Variants in PTPN23 observed in about 807,000 individuals in gnomAD.
The protein encoded by PTPN23 is tyrosine-protein phosphatase non-receptor type 23.
Under a neutral mutation model 156.3 loss-of-function variants are expected in PTPN23, and 72 were observed. The ratio of observed to expected loss-of-function variants is 0.46; its 90% CI spans 0.38 to 0.56. The LOEUF is 0.56. PTPN23 is among the 20% of genes least tolerant of loss of function. PTPN23 has a pLI of 0.00. For synonymous variants in PTPN23, 957 were observed against 899.6 expected, an observed-to-expected ratio of 1.06 and a Z score of -1.14; for missense variants, 1,974 against 2,171.5, an observed-to-expected ratio of 0.91 and a Z score of 1.81.
intron 1 of PTPN23, among the ~76,000 whole-genome samples, chr3:47,385,664 G>A (rs1704638331): frequency 6.6e-6 from 1 of 152,088 alleles, no homozygotes; most frequent in Non-Finnish European, 1.5e-5. Context: ...GCGACAGAGT[G>A]AGACCCTGTC....
In PTPN23 at chr3:47,407,982, C is replaced by T. The variant is rs778825922; in HGVS notation, c.1184+27C>T. 31 of 1,609,174 alleles carry T rather than the reference C, an allele frequency of 1.9e-5. No homozygotes were observed. The highest frequency in any genetic ancestry group is 2.4e-5 in the Non-Finnish European group (28 of 1,177,910). ...TGAGTGTGGGACTTGGGCAGGGAGG[C>T]GGAGGCAGGCAGCACTTCCCGGGCC... On this transcript the variant is annotated intron_variant, in intron 14 of 24. Transcript: ENST00000265562. This position sits in a 1 kb window ranked among gnomAD's most constrained non-coding sequence, Gnocchi z 4.0.
rs755051878 is a variant in PTPN23, at chr3:47,406,069, G to C, written c.546+23G>C. 2 of 1,608,550 alleles carry C rather than the reference G, an allele frequency of 1.2e-6. No individual in the cohort carries two copies. On this transcript the variant is annotated intron_variant, in intron 6 of 24. Coordinates refer to ENST00000265562, the MANE Select transcript of PTPN23 (RefSeq NM_015466.4). This position sits in a 1 kb window ranked among gnomAD's most constrained non-coding sequence, Gnocchi z 5.8. The stretch of plus-strand genomic sequence containing the variant: ...CTGGTGAGGAGGCGCCCTGGTTGGA[G>C]TGGAGTTGAATCCAGGGAAGGGGAT...
Position 47,413,182 on chromosome 3 carries a change from C to G in PTPN23, c.4908C>G (p.Thr1636=). ...ATCCACTCTGGACACTCAACAAGAC[C>G]TGAACAGGTTTTGCCTACCTGGTCC... ...LLDPLWTLNK[T] The change falls in exon 25 of 25, where the codon ACC becomes ACG. Residue 1636 remains threonine, a synonymous_variant. Coordinates refer to ENST00000265562, the MANE Select transcript of PTPN23 (RefSeq NM_015466.4). The G allele has an allele frequency of 6.2e-7, 1 of 1,608,340 alleles. No individual in the cohort carries two copies. Among genetic ancestry groups the G allele is most frequent in the Non-Finnish European group, 8.5e-7 (1 of 1,177,194 alleles).
rs1233090981 is a variant in PTPN23 at position 47,410,505 on chromosome 3, C to G, written c.2707C>G (p.Pro903Ala). 2 of 1,607,304 alleles carry G rather than the reference C, an allele frequency of 1.2e-6. No homozygotes were observed. The highest frequency in any genetic ancestry group is 2.2e-5 in the East Asian group (1 of 44,626). Residue 903 changes from proline to alanine, a missense_variant, in exon 20 of 25, where the codon CCT becomes GCT. Pro to Ala is a conservative substitution (Grantham distance 27). Transcript: ENST00000265562. ...SHTAPRPNPT[P>A]APPPPCFPVP... ...CACAGCCCCACGGCCAAACCCCACC[C>G]CTGCTCCTCCCCCGCCCTGCTTCCC...
At chr3:47,382,668 T>C (rs1704568787) in intron 1 of PTPN23, among the ~76,000 whole-genome samples, 1 of 144,642 alleles carries the variant, frequency 6.9e-6, no homozygotes, top group East Asian at 2.1e-4. Context: ...ACTCCTGTTT[T>C]CTTTTTCTTT....
chr3:47,413,026 C>G lies in PTPN23; in HGVS notation c.4752C>G (p.Thr1584=). The change falls in exon 25 of 25, where the codon ACC becomes ACG. Residue 1584 remains threonine, a synonymous_variant. Coordinates refer to ENST00000265562, the MANE Select transcript of PTPN23 (RefSeq NM_015466.4). ...SSSLELLASL[T]PEAFSLDSSL... ...CCCTGGAATTGCTGGCCTCCTTGAC[C>G]CCAGAGGCCTTCTCCCTGGACAGCT... 1 of 1,612,942 alleles carries G rather than the reference C, an allele frequency of 6.2e-7. No individual in the cohort carries two copies. The highest frequency in any genetic ancestry group is 8.5e-7 in the Non-Finnish European group (1 of 1,179,966).
rs1259093455 is a variant in PTPN23 at position 47,409,666 on chromosome 3, C to T, written c.1961C>T (p.Thr654Met). The T allele has an allele frequency of 5.6e-6, 9 of 1,611,872 alleles. No homozygotes were observed. The highest frequency in any genetic ancestry group is 2.2e-5 in the East Asian group (1 of 44,874). ...LSDLDQKWNS[T>M]LQTLVASYEA... The stretch of plus-strand genomic sequence containing the variant: ...CTTCTGCCCACCAGGTGGAACTCCA[C>T]GCTGCAGACCCTGGTGGCCTCGTAT... The change falls in exon 19 of 25, where the codon ACG becomes ATG. Residue 654 changes from threonine (T) to methionine (M), a missense_variant. This residue lies in a region of PTPN23 where 726 missense variants were observed against 929.5 expected (regional missense o/e 0.78). Transcript: ENST00000265562.
At chr3:47,382,139 G>GT (rs1704556052) in intron 1 of PTPN23, among the ~76,000 whole-genome samples, 1 of 152,180 alleles carries the variant, frequency 6.6e-6, no homozygotes, top group Non-Finnish European at 1.5e-5. Context: ...TTTGGAAGTA[G>GT]TTTCCCAAGA....
At position 47,413,353 on chromosome 3, in the gene PTPN23, C is replaced by T. The variant is rs1705381525; in HGVS notation, c.*168C>T. 2.1e-6 allele frequency: 2 copies of T among 934,654 alleles called. No individual in the cohort carries two copies. Among genetic ancestry groups the T allele is most frequent in the African/African-American group, 3.3e-5 (2 of 60,878 alleles). 57.9% of individuals were successfully genotyped at this position (934,654 alleles called of 1,614,324 possible). The stretch of plus-strand genomic sequence containing the variant: ...CTGTGGGGTGGAAATGTACTGCAGG[C>T]TCTGGGTCAGGTTCTGCTCCTTTAT... On this transcript the variant is annotated 3_prime_UTR_variant, in exon 25 of 25. Coordinates refer to ENST00000265562, the MANE Select transcript of PTPN23 (RefSeq NM_015466.4).
chr3:47,381,120 C>T lies in PTPN23; in HGVS notation c.24C>T (p.Pro8=), dbSNP rs1388821722. The T allele has an allele frequency of 4.4e-6, 7 of 1,587,286 alleles. No homozygotes were observed. Among genetic ancestry groups the T allele is most frequent in the Non-Finnish European group, 6.0e-6 (7 of 1,167,618 alleles). MEAVPRM[P]MIWLDLKEAG... ...CCATGGAGGCCGTGCCCCGCATGCCCATGATCTGGCTGGACCTGAAGGAGG... is the reference window on the plus strand; with the variant it reads ...CCATGGAGGCCGTGCCCCGCATGCCTATGATCTGGCTGGACCTGAAGGAGG... The change falls in exon 1 of 25, where the codon CCC becomes CCT. Residue 8 remains proline, a synonymous_variant. Coordinates refer to ENST00000265562, the MANE Select transcript of PTPN23 (RefSeq NM_015466.4).
At chr3:47,402,894 C>T (rs7642630) in intron 2 of PTPN23, among the ~76,000 whole-genome samples, 9,816 of 151,930 alleles carry the variant, frequency 0.065, 1,067 homozygotes, top group African/African-American at 0.22. Flanking sequence ...TTAGTAGAGA[C>T]GGGGTTTCAC....
At position 47,408,459 on chromosome 3, in the gene PTPN23, C is replaced by T; in HGVS notation, c.1299C>T (p.Asp433=). The T allele has an allele frequency of 6.2e-7, 1 of 1,614,068 alleles. No homozygotes were observed. Among genetic ancestry groups the T allele is most frequent in the Non-Finnish European group, 8.5e-7 (1 of 1,179,948 alleles). The change falls in exon 15 of 25, where the codon GAC becomes GAT. Residue 433 remains aspartate, a synonymous_variant. Transcript: ENST00000265562. ...GCGCGGCTCTCAGCGTCCGGCCCGA[C>T]ACTGTCAGGAACCTTGTACAGTCCA... ...EKCAALSVRP[D]TVRNLVQSMQ...
Position 47,409,054 on chromosome 3 carries a change from C to T in PTPN23, c.1609C>T (p.Arg537Trp), listed in dbSNP as rs746807105. The T allele has an allele frequency of 7.4e-6, 12 of 1,613,300 alleles. No homozygotes were observed. Among genetic ancestry groups the T allele is most frequent in the African/African-American group, 4.0e-5 (3 of 74,934 alleles). ...GCTCAGCGGGCCGCTTGACCAGGTC[C>T]GGGCTGCCCTGCCCACACCGGCCCT... ...RLLSGPLDQV[R>W]AALPTPALSP... The change falls in exon 16 of 25, where the codon CGG becomes TGG. Residue 537 changes from arginine to tryptophan, a missense_variant. Physicochemically the swap from Arg to Trp is moderately radical, Grantham distance 101 (BLOSUM62 -3). This residue lies in a region of PTPN23 where 726 missense variants were observed against 929.5 expected (regional missense o/e 0.78). Transcript: ENST00000265562.
In PTPN23 at chr3:47,406,607, G is replaced by T; in HGVS notation, c.754G>T (p.Ala252Ser). The change falls in exon 8 of 25, where the codon GCT becomes TCT. Residue 252 changes from alanine to serine, a missense_variant. Ala to Ser is a moderately conservative substitution (Grantham distance 99, BLOSUM62 1). Coordinates refer to ENST00000265562, the MANE Select transcript of PTPN23 (RefSeq NM_015466.4). This position sits in a 1 kb window ranked among gnomAD's most constrained non-coding sequence, Gnocchi z 5.8. ...QMKIYYFAAV[A>S]HLHMGKQAEE... is the part of the protein sequence containing the mutation. ...GAAGATCTACTACTTCGCAGCCGTG[G>T]CTCATGTGAGGGCCTGGGGCCCCAG... 1 of 1,613,956 alleles carries T rather than the reference G, an allele frequency of 6.2e-7. No individual in the cohort carries two copies. Among genetic ancestry groups the T allele is most frequent in the Non-Finnish European group, 8.5e-7 (1 of 1,180,020 alleles).
chr3:47,413,173 C>A lies in PTPN23; in HGVS notation c.4899C>A (p.Leu1633=). The part of the protein sequence containing the change: ...PLSLLDPLWT[L]NKT ...GCCTTCTGGATCCACTCTGGACACT[C>A]AACAAGACCTGAACAGGTTTTGCCT... The change falls in exon 25 of 25, where the codon CTC becomes CTA. Residue 1633 remains leucine (L), a synonymous_variant. Coordinates refer to ENST00000265562, the MANE Select transcript of PTPN23 (RefSeq NM_015466.4). The A allele has an allele frequency of 6.2e-7, 1 of 1,610,672 alleles. No homozygotes were observed. The highest frequency in any genetic ancestry group is 1.1e-5 in the South Asian group (1 of 90,912).
chr3:47,382,670 T>C (rs900992245), intron 1 of PTPN23, among the ~76,000 whole-genome samples: 6 of 143,134 alleles, frequency 4.2e-5, no homozygotes, highest in African/African-American at 1.3e-4. Context: ...TCCTGTTTTC[T>C]TTTTCTTTTC....
At position 47,409,228 on chromosome 3, in the gene PTPN23, C is replaced by T. The variant is rs765847614; in HGVS notation, c.1708C>T (p.Arg570Cys). 2 of 1,614,024 alleles carry T rather than the reference C, an allele frequency of 1.2e-6. No individual in the cohort carries two copies. The highest frequency in any genetic ancestry group is 8.5e-7 in the Non-Finnish European group (1 of 1,180,048). The change falls in exon 17 of 25, where the codon CGC (arginine) becomes TGC (cysteine). Residue 570 changes from arginine to cysteine, a missense_variant. Arg to Cys is a radical substitution (Grantham distance 180). This residue lies in a region of PTPN23 where 726 missense variants were observed against 929.5 expected (regional missense o/e 0.78). Coordinates refer to ENST00000265562, the MANE Select transcript of PTPN23 (RefSeq NM_015466.4). ...LAKVQEMRDQ[R>C]VSLEQQLREL... Reference sequence around the variant, plus strand: ...TAAGGTGCAGGAGATGCGGGACCAGCGCGTGTCCCTGGAGCAGCAGCTGCG... The same window carrying T: ...TAAGGTGCAGGAGATGCGGGACCAGTGCGTGTCCCTGGAGCAGCAGCTGCG...
At chr3:47,409,855 G>C in intron 19 of PTPN23, 21 bp downstream of exon 19, 1 of 1,605,436 alleles carries the variant, frequency 6.2e-7, no homozygotes, top group Non-Finnish European at 8.5e-7. Flanking sequence ...CCCTGGGGCT[G>C]TGGTGCGGCT....
In PTPN23 at chr3:47,412,888, C is replaced by G. The variant is rs535502642; in HGVS notation, c.4614C>G (p.Thr1538=). ...CGCCAGCCAGCCTCCCAGAGTCTAC[C>G]CCAATCCCATCTTCCTCCCCGCCCC... is the stretch of plus-strand genomic sequence containing the variant. The part of the protein sequence containing the change: ...GLPPASLPES[T]PIPSSSPPPL... Residue 1538 remains threonine, a synonymous_variant, in exon 25 of 25, where the codon ACC becomes ACG. Transcript: ENST00000265562. 1.3e-4 allele frequency: 216 copies of G among 1,611,622 alleles called. 1 individual carries two copies. The South Asian group carries it at 2.3e-3, about 17-fold the overall frequency.
Sources: gnomAD v4.1 joint callset for allele counts (sites outside exome capture counted in the v4.1 genomes callset) on GRCh38, gnomAD v4.1.1 for gene constraint, gnomAD v4.1.1 regional missense constraint, Gnocchi (gnomAD v3.1) non-coding constraint, MANE v1.5 for transcripts, NCBI Gene and HGNC (gene_info 2026-07-23, HGNC 2026-07-21) for gene names.